Variants in ZNF362 observed in about 807,000 individuals in gnomAD.
The protein encoded by ZNF362 is rotund homolog.
ZNF362 carries 11 observed loss-of-function variants against 42.9 expected under a neutral mutation model. The ratio of observed to expected loss-of-function variants is 0.26; its 90% CI spans 0.16 to 0.42. The LOEUF is 0.42. Among genes scored for constraint, ZNF362 ranks in the 20% least tolerant of loss-of-function variants. ZNF362 has a pLI of 1.00. For synonymous variants in ZNF362, 255 were observed against 257.3 expected (o/e 0.99, Z 0.09); for missense variants, 362 against 576.2 (o/e 0.63, Z 3.81).
At chr1:33,247,169 G>A in the ZNF362 span, among the ~76,000 whole-genome samples, 57 of 152,228 alleles carry the variant, frequency 3.7e-4, no homozygotes, top group Non-Finnish European at 7.1e-4. Flanking sequence ...TTTATTTGCT[G>A]GTCTATGGTG....
the ZNF362 span, among the ~76,000 whole-genome samples, chr1:33,157,643 T>C: frequency 1.3e-5 from 2 of 152,220 alleles, no homozygotes; most frequent in African/African-American, 4.8e-5. Flanking sequence ...GAACAGTTCC[T>C]GATGTGAACT....
the ZNF362 span, chr1:33,195,170 T>A: frequency 1.3e-5 from 2 of 152,230 alleles, no homozygotes; most frequent in Non-Finnish European, 2.9e-5. Context: ...AAACAAATTC[T>A]ACATTCAGTT....
At chr1:33,141,992 C>T in the ZNF362 span, 1 of 152,732 alleles carries the variant, frequency 6.5e-6, no homozygotes, top group South Asian at 2.1e-4. Context: ...CTGTGCCTCC[C>T]TTTTGTGGTT....
chr1:33,253,716 T>C (rs1645771876), upstream of ZNF362, among the ~76,000 whole-genome samples: 1 of 152,152 alleles, frequency 6.6e-6, no homozygotes, highest in Admixed American at 6.5e-5. Flanking sequence ...TCTAAGTGCC[T>C]AGAATGATGA....
chr1:33,276,587 C>A lies in ZNF362; in HGVS notation c.342C>A (p.Thr114=). 1.5e-6 allele frequency: 2 copies of A among 1,361,420 alleles called. No homozygotes were observed. The highest frequency in any genetic ancestry group is 9.4e-7 in the Non-Finnish European group (1 of 1,063,296). The allele number at this position is 1,361,420 out of a possible 1,614,324, so 84.3% of individuals were successfully genotyped here. ...VALHARPATS[T]VTGLGLSTRT... ...TGCACGCACGGCCGGCCACCAGCAC[C>A]GTCACAGGTAGGCCGAGCGGGCGGG... Residue 114 remains threonine, a synonymous_variant, in exon 4 of 9, where the codon ACC becomes ACA. Coordinates refer to ENST00000539719, the MANE Select transcript of ZNF362 (RefSeq NM_152493.3).
chr1:33,265,951 C>G (rs910646894), intron 1 of ZNF362, among the ~76,000 whole-genome samples: 2 of 152,198 alleles, frequency 1.3e-5, no homozygotes, highest in African/African-American at 2.4e-5. Flanking sequence ...TGCCTCGGGG[C>G]CTTTGCACAT....
the ZNF362 span, among the ~76,000 whole-genome samples, chr1:33,223,909 A>G: frequency 6.6e-6 from 1 of 151,586 alleles, no homozygotes; most frequent in Non-Finnish European, 1.5e-5. Context: ...AAAAAAAAAA[A>G]AGAAAAAAGA....
In ZNF362 at chr1:33,276,075, G is replaced by A. The variant is rs199560165; in HGVS notation, c.39-25G>A. On this transcript the variant is annotated intron_variant, in intron 2 of 8. Coordinates refer to ENST00000539719, the MANE Select transcript of ZNF362 (RefSeq NM_152493.3). The stretch of plus-strand genomic sequence containing the variant: ...AGGCCTTGGGGAGGGCTCTCTTCCC[G>A]GTGACAGTCGCTCTCTTCCCGCAGG... 108 of 1,613,550 alleles carry A rather than the reference G, an allele frequency of 6.7e-5. No individual in the cohort carries two copies. In the South Asian group the frequency reaches 1.1e-3, roughly 17 times the overall value.
At chr1:33,172,668 G>A in the ZNF362 span, among the ~76,000 whole-genome samples, 1 of 152,136 alleles carries the variant, frequency 6.6e-6, no homozygotes, top group East Asian at 1.9e-4. Context: ...AGGCTCTGGG[G>A]CTCTTTATTG....
chr1:33,297,142 A>G (rs1646130635), intron 8 of ZNF362, among the ~76,000 whole-genome samples: 1 of 152,114 alleles, frequency 6.6e-6, no homozygotes, highest in Admixed American at 6.6e-5. Context: ...GGAGGCGAAG[A>G]GGACAGAATC....
the ZNF362 span, among the ~76,000 whole-genome samples, chr1:33,219,682 G>T: frequency 2.0e-5 from 3 of 152,132 alleles, no homozygotes; most frequent in African/African-American, 7.2e-5. Flanking sequence ...TTTTGACATG[G>T]GGTAAGTTCT....
chr1:33,138,650 A>G, the ZNF362 span, among the ~76,000 whole-genome samples: 1 of 151,616 alleles, frequency 6.6e-6, no homozygotes, highest in African/African-American at 2.4e-5. Context: ...AAAAAAGAAA[A>G]GGAAAGAAAG....
chr1:33,144,135 C>CTTTT, the ZNF362 span, among the ~76,000 whole-genome samples: 42 of 146,544 alleles, frequency 2.9e-4, no homozygotes, highest in South Asian at 6.5e-4. Context: ...AATGTTACTT[C>CTTTT]TTTTTTTTTT....
At position 33,295,291 on chromosome 1, in the gene ZNF362, C is replaced by T. The variant is rs2148138862; in HGVS notation, c.1132C>T (p.Arg378Trp). 1.2e-6 allele frequency: 2 copies of T among 1,614,072 alleles called. No individual in the cohort carries two copies. The highest frequency in any genetic ancestry group is 2.2e-5 in the East Asian group (1 of 44,870). The change falls in exon 8 of 9, where the codon CGG becomes TGG. Residue 378 changes from arginine to tryptophan, a missense_variant. By Grantham distance (101) the Arg-to-Trp change is moderately radical. Coordinates refer to ENST00000539719, the MANE Select transcript of ZNF362 (RefSeq NM_152493.3). Reference sequence around the variant, plus strand: ...GGCCTACTGCTGCAGCATGTGTGGGCGGGCCTACACCTCGGTGAGTGCCGG... The same window carrying T: ...GGCCTACTGCTGCAGCATGTGTGGGTGGGCCTACACCTCGGTGAGTGCCGG... ...AKAYCCSMCGRAYTSETYLMK... is the reference protein window; with the variant it reads ...AKAYCCSMCGWAYTSETYLMK...
the ZNF362 span, among the ~76,000 whole-genome samples, chr1:33,129,555 T>A: frequency 1.1e-4 from 17 of 152,174 alleles, no homozygotes; most frequent in African/African-American, 4.1e-4. The surrounding 1 kb of genome is among the most constrained non-coding windows in gnomAD (Gnocchi z 4.1). Flanking sequence ...TGCACTCAGC[T>A]CCCCTCATAA....
chr1:33,245,125 T>C, the ZNF362 span, among the ~76,000 whole-genome samples: 1 of 152,164 alleles, frequency 6.6e-6, no homozygotes, highest in South Asian at 2.1e-4. Context: ...GGGGCCTGAG[T>C]GCTCAGGTCC....
At position 33,295,314 on chromosome 1, in the gene ZNF362, C is replaced by T. The variant is rs375958822; in HGVS notation, c.1146+9C>T. ...GGCGGGCCTACACCTCGGTGAGTGCCGGTCGGCCTGTGCCCTGCCCCGGGG... is the reference window on the plus strand; with the variant it reads ...GGCGGGCCTACACCTCGGTGAGTGCTGGTCGGCCTGTGCCCTGCCCCGGGG... On this transcript the variant is annotated intron_variant, in intron 8 of 8. Transcript: ENST00000539719. 9.3e-6 allele frequency: 15 copies of T among 1,612,824 alleles called. No individual in the cohort carries two copies. The highest frequency in any genetic ancestry group is 4.0e-5 in the African/African-American group (3 of 74,928).
At chr1:33,206,123 CTT>C in the ZNF362 span, among the ~76,000 whole-genome samples, 1 of 151,944 alleles carries the variant, frequency 6.6e-6, no homozygotes, top group Non-Finnish European at 1.5e-5. Flanking sequence ...AAAAATAAAA[CTT>C]GAGCCATAAC....
chr1:33,216,542 G>A, the ZNF362 span, among the ~76,000 whole-genome samples: 1 of 124,496 alleles, frequency 8.0e-6, no homozygotes, highest in African/African-American at 2.9e-5. Context: ...AGAGGTTGCA[G>A]TGAGCCGAGA....
Sources: gnomAD v4.1 joint callset for allele counts (sites outside exome capture counted in the v4.1 genomes callset) on GRCh38, gnomAD v4.1.1 for gene constraint, Gnocchi (gnomAD v3.1) non-coding constraint, MANE v1.5 for transcripts, NCBI Gene and HGNC (gene_info 2026-07-23, HGNC 2026-07-21) for gene names.